The following ERCC6L2 variants were observed in gnomAD, a reference collection of about 807,000 sequenced individuals.
ERCC6L2 encodes the protein ERCC excision repair 6 like 2, also known as DNA excision repair protein ERCC-6-like 2.
In ERCC6L2, 77 loss-of-function variants were observed where a neutral mutation model predicts 132.0. That is an observed-to-expected ratio of 0.58 (90% CI 0.49 to 0.71). The LOEUF is 0.71. Among genes scored for constraint, ERCC6L2 ranks in the 30% least tolerant of loss-of-function variants. The pLI, the probability that ERCC6L2 is intolerant of heterozygous loss-of-function variation, is 0.00. For missense variants in ERCC6L2, 1,542 were observed against 1,837.6 expected, an observed-to-expected ratio of 0.84 and a Z score of 2.94; for synonymous variants, 583 against 632.4, an observed-to-expected ratio of 0.92 and a Z score of 1.17.
At chr9:96,034,364 C>G (rs1834495885) in intron 19 of ERCC6L2, among the ~76,000 whole-genome samples, 1 of 152,190 alleles carries the variant, frequency 6.6e-6, no homozygotes. Context: ...GGCTGGAGGA[C>G]CTTCCAGGCA....
intron 18 of ERCC6L2, among the ~76,000 whole-genome samples, chr9:96,010,532 C>T (rs993525410): frequency 5.1e-4 from 78 of 152,314 alleles, no homozygotes; most frequent in African/African-American, 1.7e-3. Flanking sequence ...CTTGCAGTTT[C>T]TCCTGCCCCT....
intron 2 of ERCC6L2, 49 bp downstream of exon 2, chr9:95,881,342 T>G (rs1412029273): frequency 1.5e-6 from 2 of 1,346,622 alleles, no homozygotes; most frequent in Non-Finnish European, 1.0e-6. Flanking sequence ...TGTACATGAG[T>G]GGATACTATA....
rs765834351 is a variant in ERCC6L2 at position 95,875,851 on chromosome 9, C to T, written c.-188C>T. ...GTCGCCCTCCCGTTCTGCTTGGGTCCCCTTAGTCGCTACCTTTGCTGGGAT... is the reference window on the plus strand; with the variant it reads ...GTCGCCCTCCCGTTCTGCTTGGGTCTCCTTAGTCGCTACCTTTGCTGGGAT... On this transcript the variant is annotated 5_prime_UTR_variant, in exon 1 of 19. Transcript: ENST00000653738. The T allele has an allele frequency of 6.6e-6, 4 of 606,216 alleles. No individual in the cohort carries two copies. The highest frequency in any genetic ancestry group is 2.8e-5 in the East Asian group (1 of 35,548). The allele number at this position is 606,216 out of a possible 1,614,324, so 37.6% of individuals were successfully genotyped here.
chr9:95,946,150 A>G (rs1276739773), intron 12 of ERCC6L2, among the ~76,000 whole-genome samples: 9 of 152,204 alleles, frequency 5.9e-5, no homozygotes, highest in African/African-American at 1.9e-4. Context: ...AATAGTCACT[A>G]CATAACAAAG....
rs1828548889 is a variant in ERCC6L2 at position 95,897,837 on chromosome 9, T to A, written c.472-12T>A. The stretch of plus-strand genomic sequence containing the variant: ...ATTATACACAGTGATTGAAAAAGTC[T>A]TTTTTCCCCAGGTTATTTCATTTCT... On this transcript the variant is annotated splice_polypyrimidine_tract_variant and intron_variant, in intron 2 of 18. Coordinates refer to ENST00000653738, the MANE Select transcript of ERCC6L2 (RefSeq NM_020207.7). 2 of 1,611,690 alleles carry A rather than the reference T, an allele frequency of 1.2e-6. No homozygotes were observed. The highest frequency in any genetic ancestry group is 4.5e-5 in the East Asian group (2 of 44,676).
chr9:96,000,759 C>T (rs191156969), intron 17 of ERCC6L2, among the ~76,000 whole-genome samples: 28 of 152,210 alleles, frequency 1.8e-4, no homozygotes, highest in Admixed American at 1.1e-3. Context: ...CCAATCTGGG[C>T]GACATAGCAA....
Position 95,916,399 on chromosome 9 carries a change from C to G in ERCC6L2, c.1123C>G (p.Leu375Val), listed in dbSNP as rs778815009. 3 of 1,592,016 alleles carry G rather than the reference C, an allele frequency of 1.9e-6. No homozygotes were observed. The South Asian group carries it at 3.4e-5, about 18-fold the overall frequency. The part of the protein sequence containing the change: ...SGWFLRRTKT[L>V]IKDQLPKKED... ...CTGGTTTCTCAGGCGCACCAAGACT[C>G]TTATCAAGGATCAGTTGCCTAAGAA... The change falls in exon 6 of 19, where the codon CTT becomes GTT. Residue 375 changes from leucine (L) to valine (V), a missense_variant. Leu to Val is a conservative substitution (Grantham distance 32, BLOSUM62 1). This residue lies in a region of ERCC6L2 where 945 missense variants were observed against 1,105.2 expected (regional missense o/e 0.86). Transcript: ENST00000653738.
intron 12 of ERCC6L2, among the ~76,000 whole-genome samples, chr9:95,951,251 AG>A (rs1419085904): frequency 6.6e-6 from 1 of 152,218 alleles, no homozygotes; most frequent in African/African-American, 2.4e-5. Flanking sequence ...AAGGGAAGTT[AG>A]AAAATAGCTT....
intron 3 of ERCC6L2, among the ~76,000 whole-genome samples, chr9:95,900,524 G>T (rs1336588157): frequency 1.3e-5 from 2 of 152,174 alleles, no homozygotes; most frequent in Non-Finnish European, 2.9e-5. Flanking sequence ...ATTTGAAAGA[G>T]AAATTAAAAA....
At chr9:95,946,520 T>TC (rs1254135587) in intron 12 of ERCC6L2, among the ~76,000 whole-genome samples, 1 of 152,042 alleles carries the variant, frequency 6.6e-6, no homozygotes, top group East Asian at 1.9e-4. Flanking sequence ...AGAGCGAGAC[T>TC]CCATCTCAAA....
chr9:95,965,810 C>T (rs1832128569), intron 13 of ERCC6L2, among the ~76,000 whole-genome samples: 1 of 152,132 alleles, frequency 6.6e-6, no homozygotes, highest in South Asian at 2.1e-4. Context: ...TGCACCCGGC[C>T]CTTAAGCATC....
At chr9:95,882,718 A>G (rs1312522619) in intron 2 of ERCC6L2, among the ~76,000 whole-genome samples, 2 of 152,214 alleles carry the variant, frequency 1.3e-5, no homozygotes, top group Non-Finnish European at 2.9e-5. Context: ...CTGGTGTGAA[A>G]AACTAGGCTA....
intron 1 of ERCC6L2, 150 bp from the exon 2 acceptor site, chr9:95,880,719 A>G (rs1011010589): frequency 3.3e-6 from 2 of 611,574 alleles, no homozygotes; most frequent in South Asian, 2.7e-5. Flanking sequence ...TCTATTTTAG[A>G]AAAATATCTA....
At chr9:95,885,846 A>G (rs1827836336) in intron 2 of ERCC6L2, among the ~76,000 whole-genome samples, 1 of 152,164 alleles carries the variant, frequency 6.6e-6, no homozygotes, top group South Asian at 2.1e-4. Context: ...AGAGGATGGC[A>G]ATCTGTGTTT....
At chr9:95,956,374 G>A (rs1831601061) in intron 13 of ERCC6L2, among the ~76,000 whole-genome samples, 2 of 152,104 alleles carry the variant, frequency 1.3e-5, no homozygotes. Flanking sequence ...TGAGTAGCAA[G>A]GTCACAGCTC....
intron 3 of ERCC6L2, chr9:95,906,756 A>C (rs752574592): frequency 2.1e-6 from 1 of 466,348 alleles, no homozygotes; most frequent in East Asian, 6.3e-5. Context: ...ACTGGGATCC[A>C]GATTTTATTC....
downstream of ERCC6L2, chr9:96,020,721 T>G: frequency 2.2e-6 from 1 of 452,598 alleles, no homozygotes. Context: ...AGAAACATGC[T>G]TTGCGCTGGA....
rs117697297 is a variant in ERCC6L2, at chr9:95,957,882, T to G, written c.1947+1869T>G. ...ATCCAAAAATTATGTTTTTGTTTTT[T>G]TTTTTAAATTATACTTTAAGTTTTG... On this transcript the variant is annotated intron_variant, in intron 13 of 18. Coordinates refer to ENST00000653738, the MANE Select transcript of ERCC6L2 (RefSeq NM_020207.7). Among the ~76,000 whole-genome samples the G allele has an allele frequency of 4.1e-3, 624 of 152,098 alleles. 16 individuals carry two copies. In the East Asian group the frequency reaches 0.086, roughly 21 times the overall value.
intron 2 of ERCC6L2, among the ~76,000 whole-genome samples, chr9:95,893,221 C>T (rs1372204752): frequency 6.6e-6 from 1 of 152,086 alleles, no homozygotes; most frequent in Non-Finnish European, 1.5e-5. Flanking sequence ...AAGTGTAATG[C>T]CTAATATACC....
Sources: gnomAD v4.1 joint callset for allele counts (sites outside exome capture counted in the v4.1 genomes callset) on GRCh38, gnomAD v4.1.1 for gene constraint, gnomAD v4.1.1 regional missense constraint, MANE v1.5 for transcripts, NCBI Gene and HGNC (gene_info 2026-07-23, HGNC 2026-07-21) for gene names.